The following ADGRL2 variants were observed in gnomAD, a reference collection of about 807,000 sequenced individuals.
ADGRL2 encodes the protein adhesion G protein-coupled receptor L2, also known as calcium-independent alpha-latrotoxin receptor 2.
In ADGRL2, 44 loss-of-function variants were observed where a neutral mutation model predicts 157.4. The observed-to-expected ratio is 0.28, with a 90% CI of 0.22 to 0.36. The LOEUF (loss-of-function observed/expected upper bound fraction) is 0.36, where lower values mean the gene tolerates loss of function less well. Among genes scored for constraint, ADGRL2 ranks in the 10% least tolerant of loss-of-function variants. The pLI, the probability that ADGRL2 is intolerant of heterozygous loss-of-function variation, is 1.00. For synonymous variants in ADGRL2, 585 were observed against 624.7 expected, an observed-to-expected ratio of 0.94 and a Z score of 0.95; for missense variants, 1,510 against 1,768.9, an observed-to-expected ratio of 0.85 and a Z score of 2.63.
At chr1:81,312,325 T>C (rs1358701803) in intron 1 of ADGRL2, among the ~76,000 whole-genome samples, 1 of 152,088 alleles carries the variant, frequency 6.6e-6, no homozygotes, top group Non-Finnish European at 1.5e-5. Context: ...GTCAGAGAAG[T>C]GGGTTTCAGG....
chr1:81,390,782 T>C (rs1444683143), intron 1 of ADGRL2, among the ~76,000 whole-genome samples: 7 of 152,300 alleles, frequency 4.6e-5, no homozygotes, highest in African/African-American at 1.7e-4. Flanking sequence ...GCAAAGTATT[T>C]CATTATATGA....
intron 1 of ADGRL2, among the ~76,000 whole-genome samples, chr1:81,352,049 G>A (rs1206010601): frequency 6.6e-6 from 1 of 152,184 alleles, no homozygotes; most frequent in Non-Finnish European, 1.5e-5. Flanking sequence ...AACCTCAAAG[G>A]CACAGCCTCA....
rs1165526312 is a variant in ADGRL2, at chr1:81,549,398, A to C, written c.-247-31478A>C. Among the ~76,000 whole-genome samples, 6 of 152,302 alleles carry C rather than the reference A, an allele frequency of 3.9e-5. No homozygotes were observed. In the South Asian group the frequency reaches 8.3e-4, roughly 21 times the overall value. On this transcript the variant is annotated intron_variant, in intron 2 of 24. Coordinates refer to the ADGRL2 transcript ENST00000370721. Reference sequence around the variant, plus strand: ...CACAAAATAGTTTTGGAAGCCTTACAAAGTTACTTGACCTTTTTCAGTTTC... The same window carrying C: ...CACAAAATAGTTTTGGAAGCCTTACCAAGTTACTTGACCTTTTTCAGTTTC...
intron 2 of ADGRL2, among the ~76,000 whole-genome samples, chr1:81,558,014 G>A (rs1026009652): frequency 2.0e-5 from 3 of 152,196 alleles, no homozygotes; most frequent in Admixed American, 2.0e-4. Context: ...ATCGCCTGTT[G>A]AATGTCTGGC....
At chr1:81,309,677 G>T (rs1044828404) in intron 1 of ADGRL2, among the ~76,000 whole-genome samples, 1 of 151,982 alleles carries the variant, frequency 6.6e-6, no homozygotes, top group South Asian at 2.1e-4. Context: ...TTCATTTAAC[G>T]TATGTCAGGA....
intron 1 of ADGRL2, among the ~76,000 whole-genome samples, chr1:81,387,807 C>A (rs766682670): frequency 1.2e-4 from 19 of 152,100 alleles, no homozygotes; most frequent in Non-Finnish European, 2.1e-4. Context: ...GAAAAAAATT[C>A]TCAGTCCTTT....
chr1:81,504,380 C>T (rs1219194387), intron 2 of ADGRL2, among the ~76,000 whole-genome samples: 6 of 152,174 alleles, frequency 3.9e-5, no homozygotes, highest in Admixed American at 1.3e-4. Context: ...CATCCCCACA[C>T]GTGCCGATGT....
At position 81,627,159 on chromosome 1, in the gene ADGRL2, A is replaced by G. The variant is rs116187937; in HGVS notation, c.-143+46179A>G. Among the ~76,000 whole-genome samples the G allele has an allele frequency of 2.8e-3, 426 of 152,260 alleles. 3 individuals carry two copies. The highest frequency in any genetic ancestry group is 9.9e-3 in the African/African-American group (411 of 41,548). ...AATGGATTCAGAAGTCATGAAAACC[A>G]AAACCATATTTCCATAACAAATGCG... On this transcript the variant is annotated intron_variant, in intron 3 of 24. Coordinates refer to the ADGRL2 transcript ENST00000370721.
At chr1:81,655,881 T>C (rs1368392162) in intron 3 of ADGRL2, among the ~76,000 whole-genome samples, 5 of 152,142 alleles carry the variant, frequency 3.3e-5, no homozygotes, top group African/African-American at 9.7e-5. Context: ...GAGGACATTA[T>C]ATTTGAAAGT....
intron 20 of ADGRL2, among the ~76,000 whole-genome samples, chr1:81,984,957 A>G (rs970103170): frequency 1.3e-5 from 2 of 152,088 alleles, no homozygotes; most frequent in African/African-American, 4.8e-5. Context: ...GCCTAAGGCC[A>G]TATAGCACAA....
chr1:81,718,940 G>A (rs369314329), intron 1 of ADGRL2, among the ~76,000 whole-genome samples: 1 of 152,192 alleles, frequency 6.6e-6, no homozygotes, highest in African/African-American at 2.4e-5. Flanking sequence ...GACACCAGAG[G>A]CTTAATGAAA....
At chr1:81,677,061 A>G (rs945894278) in intron 3 of ADGRL2, among the ~76,000 whole-genome samples, 3 of 146,874 alleles carry the variant, frequency 2.0e-5, no homozygotes, top group Non-Finnish European at 3.0e-5. Flanking sequence ...ATCTCGGCTC[A>G]TCGCAACTCT....
upstream of ADGRL2, among the ~76,000 whole-genome samples, chr1:81,799,426 G>A (rs550431531): frequency 4.6e-5 from 7 of 152,228 alleles, no homozygotes; most frequent in East Asian, 1.2e-3. Context: ...TTTAATCTGA[G>A]AATTACAATG....
At chr1:81,524,682 A>C (rs745507422) in intron 2 of ADGRL2, among the ~76,000 whole-genome samples, 8 of 152,188 alleles carry the variant, frequency 5.3e-5, no homozygotes, top group Non-Finnish European at 7.4e-5. Flanking sequence ...AACAACAACA[A>C]CCAAAAAAAC....
At position 81,952,091 on chromosome 1, in the gene ADGRL2, G is replaced by A. The variant is rs769700369; in HGVS notation, c.1743G>A (p.Leu581=). ...TGGTGGACATCCTTGATGCACAGCT[G>A]CAGGAACTGAAACCTAGTGAAAAAG... ...EQLVDILDAQ[L]QELKPSEKDS... is the part of the protein sequence containing the mutation. Residue 581 remains leucine, a synonymous_variant, in exon 9 of 24, where the codon CTG becomes CTA. Coordinates refer to ENST00000686636, the MANE Select transcript of ADGRL2 (RefSeq NM_001366006.2). The A allele has an allele frequency of 6.2e-7, 1 of 1,613,266 alleles. No individual in the cohort carries two copies. Among genetic ancestry groups the A allele is most frequent in the South Asian group, 1.1e-5 (1 of 91,018 alleles).
intron 17 of ADGRL2, among the ~76,000 whole-genome samples, chr1:81,976,107 A>G (rs1660129196): frequency 6.6e-6 from 1 of 151,994 alleles, no homozygotes; most frequent in Non-Finnish European, 1.5e-5. Context: ...TTATTGTCAT[A>G]TATGTTGGTG....
intron 3 of ADGRL2, among the ~76,000 whole-genome samples, chr1:81,595,169 A>G (rs10874256): frequency 0.37 from 56,705 of 151,962 alleles, 10,807 homozygotes; most frequent in Non-Finnish European, 0.41. Context: ...GTGAAGGGGC[A>G]GGGGATGGGA....
intron 19 of ADGRL2, chr1:81,984,317 A>G (rs1662513797): frequency 4.1e-6 from 1 of 246,034 alleles, no homozygotes; most frequent in East Asian, 7.7e-5. Context: ...ACTAACATTT[A>G]TATAATAACA....
intron 2 of ADGRL2, among the ~76,000 whole-genome samples, chr1:81,573,844 T>C (rs929493277): frequency 1.4e-4 from 22 of 152,276 alleles, no homozygotes; most frequent in Admixed American, 3.9e-4. Context: ...ATCTACCAAG[T>C]CTTATTTTAT....
Sources: allele counts gnomAD v4.1 joint callset (sites outside exome capture counted in the v4.1 genomes callset), GRCh38; gene constraint gnomAD v4.1.1; transcripts MANE v1.5; gene names NCBI Gene and HGNC (gene_info 2026-07-23, HGNC 2026-07-21).